The following DGKB variants were observed in gnomAD, a reference collection of about 807,000 sequenced individuals.
The protein encoded by DGKB is diacylglycerol kinase beta.
DGKB carries 67 observed loss-of-function variants against 114.3 expected under a neutral mutation model. The ratio of observed to expected loss-of-function variants is 0.59; its 90% CI spans 0.48 to 0.72. DGKB has a LOEUF of 0.72. Among genes scored for constraint, DGKB ranks in the 30% least tolerant of loss-of-function variants. The pLI, the probability that DGKB is intolerant of heterozygous loss-of-function variation, is 0.00. For synonymous variants in DGKB, 398 were observed against 323.1 expected, an observed-to-expected ratio of 1.23 and a Z score of -2.49; for missense variants, 907 against 975.2, an observed-to-expected ratio of 0.93 and a Z score of 0.93.
intron 20 of DGKB, among the ~76,000 whole-genome samples, chr7:14,558,549 A>T (rs1796197584): frequency 6.6e-6 from 1 of 152,184 alleles, no homozygotes; most frequent in African/African-American, 2.4e-5. Flanking sequence ...TTTTTAAAAA[A>T]AACTGATTTT....
At chr7:14,559,408 T>C (rs2128665945) in intron 20 of DGKB, among the ~76,000 whole-genome samples, 1 of 152,240 alleles carries the variant, frequency 6.6e-6, no homozygotes, top group East Asian at 1.9e-4. Flanking sequence ...GGTCTGCTCA[T>C]TCTGAACTGA....
intron 1 of DGKB, among the ~76,000 whole-genome samples, chr7:14,925,387 C>T (rs1784696218): frequency 6.6e-6 from 1 of 152,074 alleles, no homozygotes; most frequent in South Asian, 2.1e-4. Context: ...GGCAGATTGC[C>T]TGATTTTTAC....
intron 13 of DGKB, among the ~76,000 whole-genome samples, chr7:14,648,296 C>T (rs996582471): frequency 2.6e-5 from 4 of 152,208 alleles, no homozygotes; most frequent in Admixed American, 6.5e-5. Context: ...AGCTGGAGAT[C>T]TGAGAACGGG....
At chr7:14,768,922 C>T (rs1836861836) in intron 2 of DGKB, among the ~76,000 whole-genome samples, 1 of 151,748 alleles carries the variant, frequency 6.6e-6, no homozygotes, top group Admixed American at 6.6e-5. Context: ...TCATAATTTG[C>T]TATCAAATTA....
At chr7:14,873,775 G>A (rs993725105) in intron 1 of DGKB, among the ~76,000 whole-genome samples, 3 of 151,870 alleles carry the variant, frequency 2.0e-5, no homozygotes, top group Admixed American at 6.6e-5. Flanking sequence ...ATAGATTCAC[G>A]ATTGCCAAAA....
At chr7:14,895,426 T>C (rs945515310) in intron 1 of DGKB, among the ~76,000 whole-genome samples, 1 of 151,608 alleles carries the variant, frequency 6.6e-6, no homozygotes, top group Non-Finnish European at 1.5e-5. Flanking sequence ...GTGGTCCTTA[T>C]GCCTCCTGAA....
At chr7:14,784,545 A>T (rs1316136832) in intron 2 of DGKB, among the ~76,000 whole-genome samples, 4 of 151,414 alleles carry the variant, frequency 2.6e-5, no homozygotes, top group African/African-American at 4.9e-5. Flanking sequence ...AGTTAATTCT[A>T]TATTTTTAGT....
At chr7:14,456,832 A>G (rs1258590810) in intron 21 of DGKB, among the ~76,000 whole-genome samples, 4 of 152,116 alleles carry the variant, frequency 2.6e-5, no homozygotes, top group Non-Finnish European at 5.9e-5. Context: ...TATAGAGGAC[A>G]AGGAACAGCT....
At position 14,442,241 on chromosome 7, in the gene DGKB, G is replaced by A. The variant is rs1020745122; in HGVS notation, c.1835+35920C>T. Among the ~76,000 whole-genome samples the A allele has an allele frequency of 4.6e-5, 7 of 151,674 alleles. No homozygotes were observed. In the East Asian group the frequency reaches 1.4e-3, roughly 29 times the overall value. On this transcript the variant is annotated intron_variant, in intron 21 of 25. Coordinates refer to ENST00000402815, the MANE Select transcript of DGKB (RefSeq NM_001350709.2). Reference sequence around the variant, plus strand: ...TTCTTTTAAGGTTTTCATTTCTTTTGTTATCAGTTTTGTAAATAGCATTTC... The same window carrying A: ...TTCTTTTAAGGTTTTCATTTCTTTTATTATCAGTTTTGTAAATAGCATTTC...
At chr7:14,871,991 G>T (rs548339081) in intron 1 of DGKB, among the ~76,000 whole-genome samples, 1 of 151,954 alleles carries the variant, frequency 6.6e-6, no homozygotes, top group African/African-American at 2.4e-5. Context: ...TAAATACAGC[G>T]ATCTTCAAGA....
At chr7:14,535,972 G>T (rs545147081) in intron 20 of DGKB, among the ~76,000 whole-genome samples, 51 of 152,166 alleles carry the variant, frequency 3.4e-4, no homozygotes, top group Non-Finnish European at 5.7e-4. Flanking sequence ...AATGAAACAG[G>T]AGTGAATACA....
chr7:14,873,204 A>G (rs1366002015), intron 1 of DGKB, among the ~76,000 whole-genome samples: 1 of 152,116 alleles, frequency 6.6e-6, no homozygotes, highest in Non-Finnish European at 1.5e-5. Context: ...TTGTCTGGTA[A>G]TAACTTTCTT....
At chr7:14,814,091 T>C (rs913641040) in intron 2 of DGKB, 2 of 152,208 alleles carry the variant, frequency 1.3e-5, no homozygotes, top group African/African-American at 4.8e-5. Flanking sequence ...GATTCCTCAA[T>C]ATTTATTCCA....
chr7:14,622,276 C>A (rs1807806051), intron 14 of DGKB, among the ~76,000 whole-genome samples: 1 of 152,100 alleles, frequency 6.6e-6, no homozygotes, highest in African/African-American at 2.4e-5. Flanking sequence ...CTTCTTCCTT[C>A]ACAACTTCGC....
intron 23 of DGKB, among the ~76,000 whole-genome samples, chr7:14,286,829 G>A (rs1800945905): frequency 6.6e-6 from 1 of 152,012 alleles, no homozygotes; most frequent in African/African-American, 2.4e-5. Context: ...TATAAAATAT[G>A]TGCCAACAAC....
chr7:14,641,357 T>C (rs1811762835), intron 13 of DGKB, among the ~76,000 whole-genome samples: 1 of 151,906 alleles, frequency 6.6e-6, no homozygotes, highest in Non-Finnish European at 1.5e-5. Flanking sequence ...CATTTTACAA[T>C]ACAAAGATTT....
At position 14,736,048 on chromosome 7, in the gene DGKB, T is replaced by C. The variant is rs746087814; in HGVS notation, c.315A>G (p.Leu105=). ...TAAAGTAAGTAAACTTACCGCCTGA[T>C]AGGAGAGCAGGCTTACTTTTTACCA... ...SPMVKSKPAL[L]SGGLRMNKGA... is the part of the protein sequence containing the mutation. Residue 105 remains leucine (L), a synonymous_variant, in exon 5 of 26, where the codon CTA becomes CTG. Coordinates refer to ENST00000402815, the MANE Select transcript of DGKB (RefSeq NM_001350709.2). 1.1e-5 allele frequency: 18 copies of C among 1,594,784 alleles called. No individual in the cohort carries two copies. Among genetic ancestry groups the C allele is most frequent in the Middle Eastern group, 3.3e-4 (2 of 5,994 alleles).
chr7:14,886,689 T>G lies in DGKB; in HGVS notation c.-188+15903A>C, dbSNP rs115134306. Among the ~76,000 whole-genome samples, 881 of 152,050 alleles carry G rather than the reference T, an allele frequency of 5.8e-3. 11 individuals carry two copies. The highest frequency in any genetic ancestry group is 0.02 in the African/African-American group (839 of 41,516). On this transcript the variant is annotated intron_variant, in intron 1 of 25. Transcript: ENST00000402815. ...GGGCTAAAATAATCACTCACCTTTA[T>G]TACCACAATAGCTGGCTGGCTACCA... is the stretch of plus-strand genomic sequence containing the variant.
At chr7:14,370,908 C>T (rs1817520219) in intron 21 of DGKB, among the ~76,000 whole-genome samples, 1 of 152,112 alleles carries the variant, frequency 6.6e-6, no homozygotes, top group African/African-American at 2.4e-5. Context: ...TAAGTGAGAA[C>T]ATGTGGTATT....
Sources: gnomAD v4.1 joint callset for allele counts (sites outside exome capture counted in the v4.1 genomes callset) on GRCh38, gnomAD v4.1.1 for gene constraint, MANE v1.5 for transcripts, NCBI Gene and HGNC (gene_info 2026-07-23, HGNC 2026-07-21) for gene names.